CYP2R1: variants seen among roughly 807,000 people sequenced by gnomAD.
The protein encoded by CYP2R1 is vitamin D 25-hydroxylase.
Under a neutral mutation model 45.7 loss-of-function variants are expected in CYP2R1, and 40 were observed. The observed-to-expected ratio is 0.87, with a 90% confidence interval of 0.68 to 1.14. The LOEUF is 1.14. Ranked by LOEUF, CYP2R1 falls within the 50% of genes most tolerant of loss-of-function variation. The probability of loss-of-function intolerance (pLI) is 0.00; values close to 1 mark genes in which losing one functional copy is unlikely to be tolerated. For missense variants in CYP2R1, 605 were observed against 602.6 expected (o/e 1.00, Z -0.04); for synonymous variants, 234 against 219.3 (o/e 1.07, Z -0.59).
chr11:14,879,595 T>C (rs1219207742), intron 3 of CYP2R1, 152 bp from the exon 4 acceptor site: 6 of 626,716 alleles, frequency 9.6e-6, no homozygotes, highest in Non-Finnish European at 1.4e-5. Flanking sequence ...GGGCGTTCTA[T>C]TGAAATATAT....
intron 2 of CYP2R1, among the ~76,000 whole-genome samples, chr11:14,883,164 A>C (rs563605602): frequency 7.6e-4 from 115 of 152,210 alleles, no homozygotes; most frequent in African/African-American, 2.1e-3. Flanking sequence ...GACTTTCTTC[A>C]CAGAATTGGA....
chr11:14,891,774 G>A, intron 1 of CYP2R1: 2 of 1,390,654 alleles, frequency 1.4e-6, no homozygotes, highest in Non-Finnish European at 1.9e-6. Flanking sequence ...GTCACCGGCA[G>A]GGGCGGGGCT....
At chr11:14,891,412 C>G (rs1848850396) in intron 1 of CYP2R1, 1 of 985,796 alleles carries the variant, frequency 1.0e-6, no homozygotes, top group Non-Finnish European at 1.2e-6. Flanking sequence ...TCAATTCATT[C>G]ACGCGTTCAC....
At chr11:14,883,513 C>T (rs1488316361) in intron 2 of CYP2R1, among the ~76,000 whole-genome samples, 7 of 150,930 alleles carry the variant, frequency 4.6e-5, no homozygotes, top group Non-Finnish European at 1.0e-4. Flanking sequence ...CCCTTCCTTA[C>T]ACCTTATACA....
chr11:14,887,163 A>T (rs1848652395), intron 1 of CYP2R1: 1 of 152,266 alleles, frequency 6.6e-6, no homozygotes, highest in African/African-American at 2.4e-5. Flanking sequence ...TAGCAGAGAC[A>T]ATAAAAAGAT....
At position 14,878,105 on chromosome 11, in the gene CYP2R1, A is replaced by G. The variant is rs781788203; in HGVS notation, c.*17T>C. ...GGCAAATATACATTCTTGTTCCCGA[A>G]AACATCCCAGGCAGTTTCAGCGTCT... On this transcript the variant is annotated 3_prime_UTR_variant, in exon 5 of 5. Transcript: ENST00000334636. 16 of 1,612,598 alleles carry G rather than the reference A, an allele frequency of 9.9e-6. No individual in the cohort carries two copies. The highest frequency in any genetic ancestry group is 5.0e-5 in the Admixed American group (3 of 59,800).
rs149423480 is a variant in CYP2R1, at chr11:14,884,865, A to G, written c.367+911T>C. 7.9e-4 allele frequency among the ~76,000 whole-genome samples: 120 copies of G among 152,056 alleles called. No individual in the cohort carries two copies. The East Asian group carries it at 0.016, about 20-fold the overall frequency. On this transcript the variant is annotated intron_variant, in intron 2 of 4. Coordinates refer to ENST00000334636, the MANE Select transcript of CYP2R1 (RefSeq NM_024514.5). Reference sequence around the variant, plus strand: ...GATTGCATCATCTTTCATTTTCATCATCTTTTTAAAGGTCTATTATAATTG... The same window carrying G: ...GATTGCATCATCTTTCATTTTCATCGTCTTTTTAAAGGTCTATTATAATTG...
chr11:14,884,064 T>C (rs1429581875), intron 2 of CYP2R1, among the ~76,000 whole-genome samples: 26 of 152,086 alleles, frequency 1.7e-4, no homozygotes, highest in South Asian at 8.3e-4. Flanking sequence ...GAATTAGGAA[T>C]ACTTTTACAC....
At chr11:14,884,782 A>AT (rs1565183584) in intron 2 of CYP2R1, among the ~76,000 whole-genome samples, 1 of 152,142 alleles carries the variant, frequency 6.6e-6, no homozygotes, top group African/African-American at 2.4e-5. Flanking sequence ...TGATAAAAAC[A>AT]GTCTAAACAA....
chr11:14,882,402 A>T (rs1425237231), intron 2 of CYP2R1, among the ~76,000 whole-genome samples: 2 of 152,154 alleles, frequency 1.3e-5, no homozygotes, highest in Non-Finnish European at 2.9e-5. Context: ...AGACCACTGC[A>T]GTTAGAGGTA....
Position 14,888,473 on chromosome 11 carries a change from C to G in CYP2R1, c.226-2556G>C, listed in dbSNP as rs562531146. Among the ~76,000 whole-genome samples the G allele has an allele frequency of 6.3e-4, 96 of 152,304 alleles. 1 individual carries two copies. Among genetic ancestry groups the G allele is most frequent in the African/African-American group, 2.2e-3 (90 of 41,568 alleles). On this transcript the variant is annotated intron_variant, in intron 1 of 4. Transcript: ENST00000334636. ...TTAAGTGACTGCCACACTTTTCAAC[C>G]TTTGCTTGGTTTGTTTCCTCATTTG...
At chr11:14,878,470 A>G (rs998946280) in intron 4 of CYP2R1, among the ~76,000 whole-genome samples, 173 bp from the exon 5 acceptor site, 5 of 152,160 alleles carry the variant, frequency 3.3e-5, no homozygotes, top group African/African-American at 1.2e-4. Flanking sequence ...CACTTCAGCA[A>G]GCAGAACCCA....
At chr11:14,881,344 T>C (rs557839219) in intron 2 of CYP2R1, among the ~76,000 whole-genome samples, 7 of 152,206 alleles carry the variant, frequency 4.6e-5, no homozygotes, top group Admixed American at 3.9e-4. Context: ...CTCAAACTTT[T>C]CTAATGCTGA....
chr11:14,888,605 C>T (rs782330137), intron 1 of CYP2R1, among the ~76,000 whole-genome samples: 10 of 152,154 alleles, frequency 6.6e-5, no homozygotes, highest in Non-Finnish European at 1.3e-4. Context: ...CTTTGAACCA[C>T]ACATGGGAGC....
intron 1 of CYP2R1, 194 bp from the exon 2 acceptor site, chr11:14,886,111 A>G (rs1160486043): frequency 1.7e-6 from 1 of 604,256 alleles, no homozygotes; most frequent in East Asian, 2.9e-5. Context: ...TGATTTCATT[A>G]TGCCATTCAG....
rs1016192119 is a variant in CYP2R1 at position 14,879,286 on chromosome 11, A to G, written c.1158T>C (p.Asp386=). Residue 386 remains aspartate (D), a synonymous_variant, in exon 4 of 5, where the codon GAT becomes GAC. Coordinates refer to ENST00000334636, the MANE Select transcript of CYP2R1 (RefSeq NM_024514.5). ...PLGIFHATSE[D]AVVRGYSIPK... ...GAATGGAATAACCACGTACAACTGCATCTTCAGAGGTTGCATGGAAAATCC... is the reference window on the plus strand; with the variant it reads ...GAATGGAATAACCACGTACAACTGCGTCTTCAGAGGTTGCATGGAAAATCC... 1 of 1,613,366 alleles carries G rather than the reference A, an allele frequency of 6.2e-7. No individual in the cohort carries two copies. Among genetic ancestry groups the G allele is most frequent in the East Asian group, 2.2e-5 (1 of 44,858 alleles).
chr11:14,885,695 A>G, intron 2 of CYP2R1, 81 bp downstream of exon 2: 1 of 1,422,490 alleles, frequency 7.0e-7, no homozygotes, highest in Non-Finnish European at 9.9e-7. Context: ...AATAATCCCA[A>G]CTGTATGCAC....
chr11:14,887,353 T>G (rs1196558710), intron 1 of CYP2R1: 1 of 152,706 alleles, frequency 6.5e-6, no homozygotes, highest in African/African-American at 2.4e-5. Flanking sequence ...ACAATCCACC[T>G]TTACTCAAGA....
intron 1 of CYP2R1, among the ~76,000 whole-genome samples, chr11:14,889,546 G>A (rs1848750714): frequency 6.6e-6 from 1 of 151,892 alleles, no homozygotes; most frequent in Non-Finnish European, 1.5e-5. Context: ...TTTTTCCTCT[G>A]CCCCATTGCA....
Sources: allele counts gnomAD v4.1 joint callset (sites outside exome capture counted in the v4.1 genomes callset), GRCh38; gene constraint gnomAD v4.1.1; transcripts MANE v1.5; gene names NCBI Gene and HGNC (gene_info 2026-07-23, HGNC 2026-07-21).